Variants in LDB2 observed in about 807,000 individuals in gnomAD.
LDB2 encodes LIM domain-binding protein 2.
Under a neutral mutation model 44.3 loss-of-function variants are expected in LDB2, and 12 were observed. The observed-to-expected ratio is 0.27, with a 90% CI of 0.17 to 0.44. The LOEUF is 0.44. LDB2 is among the 20% of genes least tolerant of loss of function. LDB2 has a pLI of 1.00. For synonymous variants in LDB2, 164 were observed against 174.8 expected, an observed-to-expected ratio of 0.94 and a Z score of 0.49; for missense variants, 344 against 473.5, an observed-to-expected ratio of 0.73 and a Z score of 2.54.
intron 1 of LDB2, 67 bp downstream of exon 1, chr4:16,898,287 C>A: frequency 6.7e-7 from 1 of 1,494,178 alleles, no homozygotes; most frequent in Non-Finnish European, 9.2e-7. Context: ...AGCCAGAAAC[C>A]CTAGGAAAAG....
intron 2 of LDB2, among the ~76,000 whole-genome samples, chr4:16,737,767 A>G (rs1347848252): frequency 3.3e-5 from 5 of 152,334 alleles, no homozygotes; most frequent in Non-Finnish European, 7.4e-5. Context: ...AAGGGTATAA[A>G]CAAAAATGTT....
chr4:16,708,661 G>C (rs977415620), intron 2 of LDB2, among the ~76,000 whole-genome samples: 7 of 152,154 alleles, frequency 4.6e-5, no homozygotes, highest in Admixed American at 3.3e-4. Flanking sequence ...AGGTAGACAT[G>C]ATTCCTTCAT....
intron 2 of LDB2, among the ~76,000 whole-genome samples, chr4:16,653,242 T>C: frequency 6.6e-6 from 1 of 152,166 alleles, no homozygotes; most frequent in East Asian, 1.9e-4. Context: ...CTCTTTTTCA[T>C]TTTTTGGCTT....
intron 5 of LDB2, among the ~76,000 whole-genome samples, chr4:16,546,541 G>A (rs1735819077): frequency 6.6e-6 from 1 of 152,178 alleles, no homozygotes; most frequent in South Asian, 2.1e-4. Flanking sequence ...GTCTTCATTT[G>A]GGTTTTTCGA....
At chr4:16,630,643 C>T (rs547122395) in intron 2 of LDB2, among the ~76,000 whole-genome samples, 2 of 152,228 alleles carry the variant, frequency 1.3e-5, no homozygotes, top group Admixed American at 1.3e-4. Context: ...CACAGACTGG[C>T]AAATTGGATA....
At chr4:16,695,526 C>T (rs957688245) in intron 2 of LDB2, among the ~76,000 whole-genome samples, 1 of 151,566 alleles carries the variant, frequency 6.6e-6, no homozygotes, top group African/African-American at 2.4e-5. Flanking sequence ...TATACAAAAA[C>T]ATAGTGCTTT....
At chr4:16,727,454 A>G (rs1250797344) in intron 2 of LDB2, among the ~76,000 whole-genome samples, 1 of 152,008 alleles carries the variant, frequency 6.6e-6, no homozygotes, top group African/African-American at 2.4e-5. Context: ...AATGCAGTTG[A>G]AACGCATCTC....
chr4:16,812,631 A>ATATG (rs71649984), intron 1 of LDB2, among the ~76,000 whole-genome samples: 1 of 126,024 alleles, frequency 7.9e-6, no homozygotes, highest in Non-Finnish European at 1.6e-5. Context: ...TATTAAATAT[A>ATATG]TGTGTGTGTG....
intron 3 of LDB2, among the ~76,000 whole-genome samples, chr4:16,594,125 T>G (rs1383312859): frequency 6.6e-6 from 1 of 151,802 alleles, no homozygotes; most frequent in Non-Finnish European, 1.5e-5. Context: ...GGAGTTGGTA[T>G]GTTTCTCTTG....
chr4:16,688,270 A>G (rs1749747081), intron 2 of LDB2, among the ~76,000 whole-genome samples: 1 of 152,196 alleles, frequency 6.6e-6, no homozygotes, highest in Non-Finnish European at 1.5e-5. Flanking sequence ...CCCTCATGAA[A>G]TAAAAAATTT....
At chr4:16,733,160 G>A (rs1030383233) in intron 2 of LDB2, among the ~76,000 whole-genome samples, 3 of 152,146 alleles carry the variant, frequency 2.0e-5, no homozygotes, top group African/African-American at 7.2e-5. Flanking sequence ...AATCAGGTGA[G>A]GCTGCCTACT....
intron 2 of LDB2, among the ~76,000 whole-genome samples, chr4:16,604,903 A>C (rs1404783011): frequency 2.0e-5 from 3 of 152,198 alleles, no homozygotes; most frequent in Non-Finnish European, 2.9e-5. Context: ...GGATAAATTT[A>C]ACTTATGAAT....
chr4:16,792,348 C>T (rs1579709877), intron 1 of LDB2, among the ~76,000 whole-genome samples: 2 of 152,178 alleles, frequency 1.3e-5, no homozygotes, highest in South Asian at 4.1e-4. Flanking sequence ...ATCCTCATGA[C>T]AAGCCTATAA....
intron 2 of LDB2, among the ~76,000 whole-genome samples, chr4:16,629,028 G>A (rs1184762181): frequency 6.6e-6 from 1 of 152,198 alleles, no homozygotes; most frequent in East Asian, 1.9e-4. Context: ...TGATGGACCT[G>A]GGATGCTGAA....
chr4:16,572,042 G>A (rs1746724761), intron 5 of LDB2, among the ~76,000 whole-genome samples: 1 of 152,126 alleles, frequency 6.6e-6, no homozygotes, highest in South Asian at 2.1e-4. Context: ...GATGGTACCT[G>A]GGCAAAGTGG....
intron 1 of LDB2, among the ~76,000 whole-genome samples, chr4:16,802,564 T>A (rs1388175462): frequency 2.0e-5 from 3 of 152,144 alleles, no homozygotes; most frequent in African/African-American, 7.2e-5. Flanking sequence ...CAAAAGGGAT[T>A]AAAAGAAACA....
At chr4:16,860,731 T>C (rs548473803) in intron 1 of LDB2, among the ~76,000 whole-genome samples, 11 of 152,338 alleles carry the variant, frequency 7.2e-5, no homozygotes, top group African/African-American at 2.4e-4. Context: ...GACTATTCAA[T>C]GAGAGACTCT....
intron 2 of LDB2, among the ~76,000 whole-genome samples, chr4:16,706,047 T>G (rs1754532238): frequency 1.3e-5 from 2 of 152,236 alleles, no homozygotes; most frequent in Non-Finnish European, 1.5e-5. Flanking sequence ...AGACAATATT[T>G]ACTATTTCTT....
chr4:16,816,421 T>C (rs1227860264), intron 1 of LDB2, among the ~76,000 whole-genome samples: 1 of 148,962 alleles, frequency 6.7e-6, no homozygotes, highest in African/African-American at 2.5e-5. Context: ...TTTTTTTTTT[T>C]TTTTTGAGAT....
Sources: allele counts gnomAD v4.1 joint callset (sites outside exome capture counted in the v4.1 genomes callset), GRCh38; gene constraint gnomAD v4.1.1; transcripts MANE v1.5; gene names NCBI Gene and HGNC (gene_info 2026-07-23, HGNC 2026-07-21).